FSTL4: variants seen among roughly 807,000 people sequenced by gnomAD.
FSTL4 encodes follistatin like 4.
A neutral mutation model predicts 78.2 loss-of-function variants in FSTL4; 28 were observed. That is an observed-to-expected ratio of 0.36 (90% CI 0.27 to 0.49). The LOEUF (loss-of-function observed/expected upper bound fraction) is 0.49, where lower values mean the gene tolerates loss of function less well. Among genes scored for constraint, FSTL4 ranks in the 20% least tolerant of loss-of-function variants. The probability of loss-of-function intolerance (pLI) is 0.98; values close to 1 mark genes in which losing one functional copy is unlikely to be tolerated. For missense variants in FSTL4, 922 were observed against 1,084.9 expected, an observed-to-expected ratio of 0.85 and a Z score of 2.11; for synonymous variants, 422 against 440.5, an observed-to-expected ratio of 0.96 and a Z score of 0.53.
chr5:133,209,823 T>C (rs192707158), intron 14 of FSTL4: 3 of 197,066 alleles, frequency 1.5e-5, no homozygotes, highest in East Asian at 1.2e-4. Context: ...TCCTTCTTCA[T>C]TGGCTAACAT....
chr5:133,417,582 A>G (rs1050360091), intron 3 of FSTL4, among the ~76,000 whole-genome samples: 215 of 152,354 alleles, frequency 1.4e-3, no homozygotes, highest in African/African-American at 5.0e-3. Context: ...TTATTATCTA[A>G]CAACTGAAAA....
chr5:133,373,566 T>A (rs542579164), intron 4 of FSTL4, among the ~76,000 whole-genome samples: 270 of 152,330 alleles, frequency 1.8e-3, no homozygotes, highest in Non-Finnish European at 3.3e-3. Flanking sequence ...TGAGCTGGAA[T>A]ATACTGCTTC....
At chr5:133,699,469 C>T in the FSTL4 span, among the ~76,000 whole-genome samples, 68 of 152,106 alleles carry the variant, frequency 4.5e-4, no homozygotes, top group African/African-American at 1.5e-3. Context: ...AACTGCTCTA[C>T]GAGGTTGGTG....
At chr5:133,369,501 G>A (rs1395484818) in intron 4 of FSTL4, among the ~76,000 whole-genome samples, 4 of 152,148 alleles carry the variant, frequency 2.6e-5, no homozygotes, top group South Asian at 2.1e-4. Flanking sequence ...ATTGCACAGA[G>A]GGAGAAACTG....
At chr5:133,444,369 A>C (rs1449512303) in intron 3 of FSTL4, among the ~76,000 whole-genome samples, 1 of 152,078 alleles carries the variant, frequency 6.6e-6, no homozygotes, top group East Asian at 1.9e-4. Context: ...TGGGAGCTCC[A>C]GCACCCTCCT....
intron 2 of FSTL4, among the ~76,000 whole-genome samples, chr5:133,571,326 T>C (rs1361644671): frequency 6.6e-6 from 1 of 152,134 alleles, no homozygotes; most frequent in Non-Finnish European, 1.5e-5. Flanking sequence ...TCTGTGGAAA[T>C]CTATAAAGTG....
intron 3 of FSTL4, among the ~76,000 whole-genome samples, chr5:133,504,962 T>C (rs1758583470): frequency 6.6e-6 from 1 of 152,260 alleles, no homozygotes; most frequent in South Asian, 2.1e-4. Context: ...CTGGTCATTG[T>C]TGTATTTTCA....
the FSTL4 span, among the ~76,000 whole-genome samples, chr5:133,731,351 C>G: frequency 6.6e-6 from 1 of 152,172 alleles, no homozygotes; most frequent in African/African-American, 2.4e-5. Flanking sequence ...CTCAACCCAT[C>G]TATACTGCAG....
chr5:133,625,247 C>G, the FSTL4 span, among the ~76,000 whole-genome samples: 1 of 151,638 alleles, frequency 6.6e-6, no homozygotes, highest in Admixed American at 6.6e-5. Flanking sequence ...ACCATCTGAG[C>G]TGAAGATTTT....
the FSTL4 span, among the ~76,000 whole-genome samples, chr5:133,733,796 C>A: frequency 6.6e-6 from 1 of 152,194 alleles, no homozygotes; most frequent in Non-Finnish European, 1.5e-5. Flanking sequence ...TGGCTTGGGT[C>A]TCTCATGAGG....
chr5:133,756,846 C>T, the FSTL4 span, among the ~76,000 whole-genome samples: 6 of 152,252 alleles, frequency 3.9e-5, no homozygotes, highest in East Asian at 7.7e-4. Flanking sequence ...CTCTTGCAGT[C>T]CTCTGGCATG....
the FSTL4 span, among the ~76,000 whole-genome samples, chr5:133,750,024 A>ATCTG: frequency 6.6e-6 from 1 of 152,260 alleles, no homozygotes; most frequent in Middle Eastern, 3.4e-3. Flanking sequence ...CCCAATCCAG[A>ATCTG]TCTGTAGGAA....
chr5:133,610,329 G>C (rs1343777721), intron 1 of FSTL4, among the ~76,000 whole-genome samples: 3 of 152,206 alleles, frequency 2.0e-5, no homozygotes, highest in Non-Finnish European at 4.4e-5. Flanking sequence ...AAAAGTCTAA[G>C]AGAGAAAAAA....
At position 133,612,450 on chromosome 5, in the gene FSTL4, G is replaced by T. The variant is rs1245764815; in HGVS notation, c.-136C>A. 1 of 151,948 alleles carries T rather than the reference G, an allele frequency of 6.6e-6. No homozygotes were observed. Among genetic ancestry groups the T allele is most frequent in the Non-Finnish European group, 1.5e-5 (1 of 67,946 alleles). The allele number at this position is 151,948 out of a possible 1,614,324, so 9.4% of individuals were successfully genotyped here. ...GGCTGGTTTCTCGGGCTGTCGGCGG[G>T]TCCCGGGCTCGCTGGAGGCTGTTGA... On this transcript the variant is annotated 5_prime_UTR_variant, in exon 1 of 16. Transcript: ENST00000265342. The surrounding 1 kb of genome is among the most constrained non-coding windows in gnomAD (Gnocchi z 6.2).
At chr5:133,718,460 T>C in the FSTL4 span, among the ~76,000 whole-genome samples, 1 of 152,212 alleles carries the variant, frequency 6.6e-6, no homozygotes, top group Non-Finnish European at 1.5e-5. Flanking sequence ...GCATAGGTCT[T>C]CACACACTAC....
chr5:133,267,559 G>C (rs775423855), intron 6 of FSTL4, among the ~76,000 whole-genome samples: 4 of 152,184 alleles, frequency 2.6e-5, no homozygotes, highest in Non-Finnish European at 4.4e-5. Flanking sequence ...GCTGGTCAGA[G>C]CAAGGGAAGC....
intron 4 of FSTL4, among the ~76,000 whole-genome samples, chr5:133,373,866 T>C (rs893566227): frequency 1.3e-5 from 2 of 152,230 alleles, no homozygotes; most frequent in African/African-American, 2.4e-5. Context: ...CCCTTCTCTA[T>C]GTTGGCTTAA....
At chr5:133,250,420 T>G (rs1440149912) in intron 6 of FSTL4, among the ~76,000 whole-genome samples, 1 of 152,136 alleles carries the variant, frequency 6.6e-6, no homozygotes, top group Non-Finnish European at 1.5e-5. Context: ...CCCAAATCTG[T>G]GCACTCAGGG....
chr5:133,640,417 G>A, the FSTL4 span, among the ~76,000 whole-genome samples: 18 of 152,146 alleles, frequency 1.2e-4, no homozygotes, highest in African/African-American at 3.4e-4. Flanking sequence ...GATGTGACAT[G>A]GTTTCTAGGA....
Sources: gnomAD v4.1 joint callset for allele counts (sites outside exome capture counted in the v4.1 genomes callset) on GRCh38, gnomAD v4.1.1 for gene constraint, Gnocchi (gnomAD v3.1) non-coding constraint, MANE v1.5 for transcripts, NCBI Gene and HGNC (gene_info 2026-07-23, HGNC 2026-07-21) for gene names.